Variants in PRKCA observed in about 807,000 individuals in gnomAD.
The protein encoded by PRKCA is protein kinase C alpha type.
PRKCA carries 27 observed loss-of-function variants against 87.0 expected under a neutral mutation model. The observed-to-expected ratio is 0.31, with a 90% CI of 0.23 to 0.43. PRKCA has a LOEUF of 0.43. Ranked by LOEUF, PRKCA falls within the 20% of genes least tolerant of loss-of-function variation. PRKCA has a pLI of 1.00. For synonymous variants in PRKCA, 329 were observed against 311.1 expected (o/e 1.06, Z -0.61); for missense variants, 518 against 852.3 (o/e 0.61, Z 4.88).
intron 2 of PRKCA, among the ~76,000 whole-genome samples, chr17:66,445,428 T>C (rs1913982775): frequency 6.6e-6 from 1 of 152,226 alleles, no homozygotes; most frequent in Admixed American, 6.5e-5. Context: ...TTCAGAAGAA[T>C]TACCTCGGAG....
At chr17:66,369,417 G>A (rs1482675717) in intron 2 of PRKCA, among the ~76,000 whole-genome samples, 3 of 152,160 alleles carry the variant, frequency 2.0e-5, no homozygotes, top group Non-Finnish European at 2.9e-5. Flanking sequence ...ACCTGTGAGA[G>A]GGGTATCAGT....
At chr17:66,509,490 A>C (rs1187548976) in intron 3 of PRKCA, among the ~76,000 whole-genome samples, 1 of 152,184 alleles carries the variant, frequency 6.6e-6, no homozygotes, top group East Asian at 1.9e-4. Flanking sequence ...GCCTTCAGGC[A>C]AGAAGAATCC....
chr17:66,490,717 A>G (rs1033926186), intron 2 of PRKCA, among the ~76,000 whole-genome samples: 1 of 152,114 alleles, frequency 6.6e-6, no homozygotes, highest in African/African-American at 2.4e-5. Context: ...GGTAGCTGGG[A>G]TTACAGGCAC....
chr17:66,582,992 C>G (rs1969491858), intron 3 of PRKCA, among the ~76,000 whole-genome samples: 1 of 152,178 alleles, frequency 6.6e-6, no homozygotes, highest in Admixed American at 6.5e-5. Context: ...GTTACTTACC[C>G]TCTCTGTTCT....
At chr17:66,530,056 C>A (rs1455534896) in intron 3 of PRKCA, among the ~76,000 whole-genome samples, 12 of 152,094 alleles carry the variant, frequency 7.9e-5, no homozygotes, top group Admixed American at 7.9e-4. Flanking sequence ...AGAATGCACC[C>A]TTAACAGTTC....
chr17:66,773,403 C>A (rs551199386), intron 13 of PRKCA, among the ~76,000 whole-genome samples: 56 of 151,774 alleles, frequency 3.7e-4, no homozygotes, highest in Non-Finnish European at 7.4e-4. Context: ...TCCTTATCAT[C>A]ATCCTTACTA....
At chr17:66,725,826 T>A (rs1033158578) in intron 8 of PRKCA, among the ~76,000 whole-genome samples, 2 of 146,488 alleles carry the variant, frequency 1.4e-5, no homozygotes, top group African/African-American at 4.9e-5. Flanking sequence ...AAAAAAAAAA[T>A]TCCAAGAAGG....
chr17:66,426,040 A>C (rs1228387560), intron 2 of PRKCA, among the ~76,000 whole-genome samples: 3 of 152,194 alleles, frequency 2.0e-5, no homozygotes, highest in African/African-American at 2.4e-5. Context: ...AGTCACACCC[A>C]GGCCTCCTTT....
At chr17:66,595,282 C>G (rs1200394451) in intron 3 of PRKCA, among the ~76,000 whole-genome samples, 1 of 151,984 alleles carries the variant, frequency 6.6e-6, no homozygotes, top group Non-Finnish European at 1.5e-5. Flanking sequence ...AGCCTTTCAC[C>G]TTGGCCCCCC....
At chr17:66,385,933 G>A (rs1910035783) in intron 2 of PRKCA, among the ~76,000 whole-genome samples, 1 of 151,890 alleles carries the variant, frequency 6.6e-6, no homozygotes, top group South Asian at 2.1e-4. Context: ...AATTTTTTGT[G>A]TTTTTTAGTA....
intron 4 of PRKCA, among the ~76,000 whole-genome samples, chr17:66,642,797 C>T (rs911282335): frequency 6.6e-6 from 1 of 152,004 alleles, no homozygotes; most frequent in Non-Finnish European, 1.5e-5. Flanking sequence ...AATCCCAGCA[C>T]TTTGGGAGGC....
chr17:66,413,785 A>G (rs1341007530), intron 2 of PRKCA, among the ~76,000 whole-genome samples: 1 of 152,170 alleles, frequency 6.6e-6, no homozygotes, highest in Non-Finnish European at 1.5e-5. Flanking sequence ...AGGCCAAGGC[A>G]GGCAGATCAC....
At chr17:66,359,200 G>A (rs950764843) in intron 2 of PRKCA, among the ~76,000 whole-genome samples, 1 of 152,156 alleles carries the variant, frequency 6.6e-6, no homozygotes, top group Non-Finnish European at 1.5e-5. Flanking sequence ...GTGATGTTAA[G>A]TCTAAGATAG....
At chr17:66,457,145 T>C (rs1914609785) in intron 2 of PRKCA, among the ~76,000 whole-genome samples, 1 of 152,188 alleles carries the variant, frequency 6.6e-6, no homozygotes, top group Non-Finnish European at 1.5e-5. Context: ...AGGGATAGAC[T>C]CATCTTGGAG....
intron 13 of PRKCA, among the ~76,000 whole-genome samples, chr17:66,772,816 T>C (rs1974968840): frequency 6.6e-6 from 1 of 152,066 alleles, no homozygotes; most frequent in Non-Finnish European, 1.5e-5. Context: ...CCATCACCAA[T>C]TTCAACAGCT....
At chr17:66,603,065 C>T (rs113585338) in intron 3 of PRKCA, among the ~76,000 whole-genome samples, 3 of 152,186 alleles carry the variant, frequency 2.0e-5, no homozygotes, top group South Asian at 2.1e-4. Flanking sequence ...GACAAGAGCC[C>T]GGCTTTTAGC....
chr17:66,418,688 C>G (rs1912313122), intron 2 of PRKCA, among the ~76,000 whole-genome samples: 1 of 152,106 alleles, frequency 6.6e-6, no homozygotes, highest in East Asian at 1.9e-4. Context: ...CTTCCAGCCC[C>G]AGCCTCCTAA....
intron 3 of PRKCA, among the ~76,000 whole-genome samples, chr17:66,579,087 C>T (rs1016991753): frequency 3.3e-5 from 5 of 152,178 alleles, no homozygotes; most frequent in African/African-American, 1.2e-4. Context: ...CATGTGCGTT[C>T]CCTAGTCAGT....
At chr17:66,602,889 T>C (rs959889889) in intron 3 of PRKCA, among the ~76,000 whole-genome samples, 7 of 152,142 alleles carry the variant, frequency 4.6e-5, no homozygotes, top group Non-Finnish European at 7.4e-5. Context: ...GCTTGGCCTC[T>C]CCTCTTCCGG....
Sources: gnomAD v4.1 joint callset for allele counts (sites outside exome capture counted in the v4.1 genomes callset) on GRCh38, gnomAD v4.1.1 for gene constraint, MANE v1.5 for transcripts, NCBI Gene and HGNC (gene_info 2026-07-23, HGNC 2026-07-21) for gene names.